AKTIP: variants seen among roughly 807,000 people sequenced by gnomAD.
AKTIP encodes the protein AKT-interacting protein.
Under a neutral mutation model 39.1 loss-of-function variants are expected in AKTIP, and 16 were observed. The ratio of observed to expected loss-of-function variants is 0.41; its 90% CI spans 0.28 to 0.62. AKTIP has a LOEUF of 0.62. Ranked by LOEUF, AKTIP falls within the 20% of genes least tolerant of loss-of-function variation. AKTIP has a pLI of 0.32. For synonymous variants in AKTIP, 93 were observed against 124.3 expected (o/e 0.75, Z 1.67); for missense variants, 262 against 356.6 (o/e 0.73, Z 2.14).
rs1489214967 is a variant in AKTIP at position 53,491,130 on chromosome 16, A to C, written c.*1282T>G. 6.6e-6 allele frequency: 1 copy of C among 152,528 alleles called. No individual in the cohort carries two copies. Among genetic ancestry groups the C allele is most frequent in the Non-Finnish European group, 1.5e-5 (1 of 68,018 alleles). The allele number at this position is 152,528 out of a possible 1,614,324, so 9.4% of individuals were successfully genotyped here. Reference sequence around the variant, plus strand: ...CTTTTGGGAATGTTTTAAATTCTCCAGTTTTTTGTTATATAGGGATCAACC... The same window carrying C: ...CTTTTGGGAATGTTTTAAATTCTCCCGTTTTTTGTTATATAGGGATCAACC... On this transcript the variant is annotated 3_prime_UTR_variant, in exon 10 of 10. Coordinates refer to ENST00000394657, the MANE Select transcript of AKTIP (RefSeq NM_022476.4).
chr16:53,504,412 G>C (rs979259769), upstream of AKTIP: 2 of 152,256 alleles, frequency 1.3e-5, no homozygotes, highest in African/African-American at 2.4e-5. Flanking sequence ...GGTTGCCTCT[G>C]AGATTCTGGT....
upstream of AKTIP, among the ~76,000 whole-genome samples, chr16:53,503,801 G>T (rs1222516497): frequency 6.6e-6 from 1 of 152,250 alleles, no homozygotes; most frequent in Admixed American, 6.5e-5. Context: ...GGGTCAGAAG[G>T]ACACTTGGCG....
rs1349668872 is a variant in AKTIP, at chr16:53,491,070, A to ATATT, written c.*1338_*1341dup. 3 of 152,642 alleles carry ATATT rather than the reference A, an allele frequency of 2.0e-5. No individual in the cohort carries two copies. The highest frequency in any genetic ancestry group is 7.2e-5 in the African/African-American group (3 of 41,460). The allele number at this position is 152,642 out of a possible 1,614,324, so 9.5% of individuals were successfully genotyped here. ...ATCCAATATTTTCTTTAATGCTTTT[A>ATATT]TATTTTTTTAAAATGTTAAAACCCC... On this transcript the variant is annotated 3_prime_UTR_variant, in exon 10 of 10. Coordinates refer to ENST00000394657, the MANE Select transcript of AKTIP (RefSeq NM_022476.4).
intron 2 of AKTIP, among the ~76,000 whole-genome samples, chr16:53,499,012 G>A (rs1484779930): frequency 1.3e-5 from 2 of 152,336 alleles, no homozygotes; most frequent in East Asian, 1.9e-4. Context: ...AAATAATGTG[G>A]ATGACTGAAA....
At chr16:53,494,880 C>A in intron 5 of AKTIP, 193 bp downstream of exon 5, 1 of 737,990 alleles carries the variant, frequency 1.4e-6, no homozygotes. Flanking sequence ...GCCTCCCTTG[C>A]AGACCCTGAG....
rs1302340600 is a variant in AKTIP, at chr16:53,491,240, A to T, written c.*1172T>A. The T allele has an allele frequency of 2.6e-5, 4 of 152,182 alleles. No homozygotes were observed. Among genetic ancestry groups the T allele is most frequent in the Non-Finnish European group, 5.9e-5 (4 of 68,032 alleles). The allele number at this position is 152,182 out of a possible 1,614,324, so 9.4% of individuals were successfully genotyped here. A position where few individuals can be genotyped will look rare whatever the true frequency, so the allele number is the denominator to read the frequency against. Reference sequence around the variant, plus strand: ...TCTTCCTTTAGGAGGGAGTTATCTAAAAGAAATGTCTATTAAGGTGATATA... The same window carrying T: ...TCTTCCTTTAGGAGGGAGTTATCTATAAGAAATGTCTATTAAGGTGATATA... On this transcript the variant is annotated 3_prime_UTR_variant, in exon 10 of 10. Transcript: ENST00000394657.
At chr16:53,500,169 G>C in intron 2 of AKTIP, 49 bp downstream of exon 2, 1 of 1,440,978 alleles carries the variant, frequency 6.9e-7, no homozygotes, top group South Asian at 1.2e-5. Context: ...CCTATTTTCA[G>C]ACACAGAAGC....
chr16:53,493,967 A>G (rs1308287502), intron 8 of AKTIP, 171 bp downstream of exon 8: 1 of 569,302 alleles, frequency 1.8e-6, no homozygotes, highest in African/African-American at 1.9e-5. Flanking sequence ...TTTGTTTAAG[A>G]GAAGAGCCTC....
intron 3 of AKTIP, among the ~76,000 whole-genome samples, 165 bp downstream of exon 3, chr16:53,498,226 A>G (rs1961957398): frequency 6.6e-6 from 1 of 152,236 alleles, no homozygotes; most frequent in African/African-American, 2.4e-5. Flanking sequence ...TTTTATCACC[A>G]GCAATAGCCT....
intron 3 of AKTIP, among the ~76,000 whole-genome samples, chr16:53,496,812 G>C (rs12443909): frequency 6.6e-6 from 1 of 152,016 alleles, no homozygotes; most frequent in Admixed American, 6.6e-5. Flanking sequence ...CTGCACCCCA[G>C]CCTGGGTGAC....
intron 3 of AKTIP, among the ~76,000 whole-genome samples, chr16:53,495,752 T>C (rs1199520248): frequency 6.6e-6 from 1 of 152,262 alleles, no homozygotes; most frequent in African/African-American, 2.4e-5. Context: ...CTTTTGTGCC[T>C]GGATGATCAT....
Position 53,491,892 on chromosome 16 carries a change from A to T in AKTIP, c.*520T>A, listed in dbSNP as rs1476863624. 3 of 152,692 alleles carry T rather than the reference A, an allele frequency of 2.0e-5. No homozygotes were observed. Among genetic ancestry groups the T allele is most frequent in the African/African-American group, 7.2e-5 (3 of 41,450 alleles). The allele number at this position is 152,692 out of a possible 1,614,324, so 9.5% of individuals were successfully genotyped here. ...TTCTGGTTTCTTCTCACTGAACTAA[A>T]GACATTTCTCAGTGATTTCAGTTTG... is the stretch of plus-strand genomic sequence containing the variant. On this transcript the variant is annotated 3_prime_UTR_variant, in exon 10 of 10. Transcript: ENST00000394657.
chr16:53,492,458 C>G lies in AKTIP; in HGVS notation c.833G>C (p.Gly278Ala). The G allele has an allele frequency of 1.9e-6, 3 of 1,613,392 alleles. No homozygotes were observed. Among genetic ancestry groups the G allele is most frequent in the Non-Finnish European group, 2.5e-6 (3 of 1,180,024 alleles). ...TTCTTTACTGAAAGGCTGTACTGAG[C>G]CAGGCTTTACCCATGACAGGCCAGC... ...HVAGLSWVKP[G>A]SVQPFSKEEK... The change falls in exon 10 of 10, where the codon GGC (glycine) becomes GCC (alanine). Residue 278 changes from glycine to alanine, a missense_variant. Physicochemically the swap from Gly to Ala is moderately conservative, Grantham distance 60. Around this residue, in one of 4 missense-constraint regions of AKTIP, gnomAD observed 145 missense variants for 159.3 expected, o/e 0.91. Coordinates refer to ENST00000394657, the MANE Select transcript of AKTIP (RefSeq NM_022476.4).
intron 3 of AKTIP, among the ~76,000 whole-genome samples, chr16:53,497,230 C>T (rs1411082556): frequency 1.3e-5 from 2 of 152,208 alleles, no homozygotes; most frequent in Non-Finnish European, 2.9e-5. Flanking sequence ...CTGGAGCCCC[C>T]GTGTGTGCCA....
intron 3 of AKTIP, among the ~76,000 whole-genome samples, chr16:53,495,979 GCCAGGGAATGGAAAA>G (rs1961807455): frequency 1.3e-5 from 2 of 152,174 alleles, no homozygotes; most frequent in Admixed American, 1.3e-4. Flanking sequence ...TGTGGGCCTT[GCCAGGGAATGGAAAA>G]CTGGGTGCTG....
intron 3 of AKTIP, 63 bp from the exon 4 acceptor site, chr16:53,495,389 C>T: frequency 6.0e-6 from 9 of 1,500,124 alleles, no homozygotes; most frequent in Non-Finnish European, 7.4e-6. Context: ...ATCAAACCAC[C>T]CCACATTCAC....
chr16:53,502,704 C>G (rs1245001486), intron 1 of AKTIP: 1 of 152,280 alleles, frequency 6.6e-6, no homozygotes, highest in African/African-American at 2.4e-5. Context: ...ACAAACCTGT[C>G]TCGAGGTGAT....
At chr16:53,502,455 AGCTAAAACTAG>A (rs1468870759) in intron 1 of AKTIP, among the ~76,000 whole-genome samples, 1 of 152,236 alleles carries the variant, frequency 6.6e-6, no homozygotes, top group African/African-American at 2.4e-5. Flanking sequence ...TGCGTGGCAG[AGCTAAAACTAG>A]GCTAAAACAT....
intron 3 of AKTIP, among the ~76,000 whole-genome samples, chr16:53,496,065 T>TACCC (rs1411476725): frequency 1.3e-5 from 2 of 152,222 alleles, no homozygotes; most frequent in East Asian, 3.8e-4. Context: ...GGGACCCAGT[T>TACCC]ACCCACCCAC....
Sources: allele counts gnomAD v4.1 joint callset (sites outside exome capture counted in the v4.1 genomes callset), GRCh38; gene constraint gnomAD v4.1.1; regional missense constraint gnomAD v4.1.1; transcripts MANE v1.5; gene names NCBI Gene and HGNC (gene_info 2026-07-23, HGNC 2026-07-21).